ADIPOR2: variants seen among roughly 807,000 people sequenced by gnomAD.
ADIPOR2 encodes the protein adiponectin receptor 2.
In ADIPOR2, 18 loss-of-function variants were observed where a neutral mutation model predicts 40.9. That is an observed-to-expected ratio of 0.44 (90% confidence interval 0.30 to 0.65). ADIPOR2 has a LOEUF of 0.65. Among genes scored for constraint, ADIPOR2 ranks in the 30% least tolerant of loss-of-function variants. ADIPOR2 has a pLI of 0.09. For missense variants in ADIPOR2, 283 were observed against 479.2 expected (o/e 0.59, Z 3.82); for synonymous variants, 165 against 166.4 (o/e 0.99, Z 0.06).
intron 4 of ADIPOR2, 107 bp downstream of exon 4, chr12:1,778,132 ATTTTG>A: frequency 7.7e-7 from 1 of 1,298,946 alleles, no homozygotes; most frequent in African/African-American, 1.5e-5. Flanking sequence ...TGGATTTGCC[ATTTTG>A]TTTTCTGAAT....
chr12:1,784,291 G>A (rs905007657), intron 7 of ADIPOR2, among the ~76,000 whole-genome samples: 10 of 152,200 alleles, frequency 6.6e-5, no homozygotes, highest in African/African-American at 2.4e-4. Flanking sequence ...TGCTTTGCAC[G>A]GATTACCTCA....
At chr12:1,755,977 A>G (rs1041075678) in intron 2 of ADIPOR2, among the ~76,000 whole-genome samples, 76 of 152,192 alleles carry the variant, frequency 5.0e-4, no homozygotes, top group Middle Eastern at 6.8e-3. Context: ...GAAAGCTTCT[A>G]CTGGGAACAG....
chr12:1,698,772 A>G (rs1165527549), intron 1 of ADIPOR2, among the ~76,000 whole-genome samples: 2 of 151,982 alleles, frequency 1.3e-5, no homozygotes, highest in Admixed American at 6.6e-5. Flanking sequence ...TTTCATTTTG[A>G]TGTGTGTTAT....
chr12:1,782,206 C>T (rs2286383), intron 6 of ADIPOR2, among the ~76,000 whole-genome samples: 81,769 of 152,052 alleles, frequency 0.54, 22,749 homozygotes, highest in African/African-American at 0.67. Flanking sequence ...TTGGTTCTTA[C>T]CTGTTGTGAG....
At chr12:1,711,113 G>T (rs1320006893) in intron 1 of ADIPOR2, among the ~76,000 whole-genome samples, 3 of 152,122 alleles carry the variant, frequency 2.0e-5, no homozygotes, top group Non-Finnish European at 4.4e-5. Context: ...CCCCTAAGAA[G>T]GTGCATAGTC....
chr12:1,788,394 T>G lies in ADIPOR2; in HGVS notation c.*2322T>G, dbSNP rs935409703. ...AGGTTGGCGCCTGAATGCCTTACTC[T>G]CAGCAGTCAGAGGCTTGCTTGCTCT... On this transcript the variant is annotated 3_prime_UTR_variant, in exon 8 of 8. Transcript: ENST00000357103. 1.3e-5 allele frequency: 2 copies of G among 152,692 alleles called. No individual in the cohort carries two copies. The highest frequency in any genetic ancestry group is 4.8e-5 in the African/African-American group (2 of 41,460). The allele number at this position is 152,692 out of a possible 1,614,324, so 9.5% of individuals were successfully genotyped here.
At position 1,788,642 on chromosome 12, in the gene ADIPOR2, T is replaced by C. The variant is rs1269224703; in HGVS notation, c.*2570T>C. 6.6e-6 allele frequency: 1 copy of C among 152,658 alleles called. No homozygotes were observed. The highest frequency in any genetic ancestry group is 2.4e-5 in the African/African-American group (1 of 41,456). The allele number at this position is 152,658 out of a possible 1,614,324, so 9.5% of individuals were successfully genotyped here. ...ATGTGGGATTTCCCTACTTGCTGTA[T>C]TCTCAGTTTCTAATAAAAAGAACCA... On this transcript the variant is annotated 3_prime_UTR_variant, in exon 8 of 8. Coordinates refer to ENST00000357103, the MANE Select transcript of ADIPOR2 (RefSeq NM_024551.3).
chr12:1,691,369 G>A (rs1378427791), intron 1 of ADIPOR2, among the ~76,000 whole-genome samples, 178 bp downstream of exon 1: 2 of 152,166 alleles, frequency 1.3e-5, no homozygotes, highest in Admixed American at 6.5e-5. Flanking sequence ...CTGACCTGCC[G>A]CCCGGCGCGC....
At chr12:1,755,395 G>A (rs889114903) in intron 2 of ADIPOR2, among the ~76,000 whole-genome samples, 1 of 152,132 alleles carries the variant, frequency 6.6e-6, no homozygotes, top group Non-Finnish European at 1.5e-5. Flanking sequence ...TCTTAAAAGC[G>A]TACTTAACCT....
intron 1 of ADIPOR2, among the ~76,000 whole-genome samples, chr12:1,748,216 T>A (rs2094760101): frequency 6.6e-6 from 1 of 152,126 alleles, no homozygotes. Flanking sequence ...TCTGAGGTGA[T>A]ATTGTCATTA....
At chr12:1,769,825 C>G (rs1051753589) in intron 2 of ADIPOR2, among the ~76,000 whole-genome samples, 1 of 151,904 alleles carries the variant, frequency 6.6e-6, no homozygotes, top group Non-Finnish European at 1.5e-5. Flanking sequence ...TACAGATGTG[C>G]GACACTGTGC....
intron 1 of ADIPOR2, among the ~76,000 whole-genome samples, chr12:1,739,769 C>G (rs2094738607): frequency 1.3e-5 from 2 of 152,188 alleles, no homozygotes; most frequent in Non-Finnish European, 2.9e-5. Context: ...TGACCTCAAT[C>G]ACACATGCAG....
In ADIPOR2 at chr12:1,780,530, G is replaced by A; in HGVS notation, c.543G>A (p.Lys181=). The A allele has an allele frequency of 6.2e-7, 1 of 1,613,852 alleles. No homozygotes were observed. Among genetic ancestry groups the A allele is most frequent in the Non-Finnish European group, 8.5e-7 (1 of 1,179,888 alleles). Residue 181 remains lysine, a synonymous_variant, in exon 5 of 8, where the codon AAG becomes AAA. Coordinates refer to ENST00000357103, the MANE Select transcript of ADIPOR2 (RefSeq NM_024551.3). ...NISFVAPLQE[K]VVFGLFFLGA... ...CCTTTGTGGCCCCTCTGCAAGAGAA[G>A]GTGGTCTTTGGATTATTTTTCTTAG...
chr12:1,710,725 A>G (rs2094674909), intron 1 of ADIPOR2, among the ~76,000 whole-genome samples: 1 of 152,066 alleles, frequency 6.6e-6, no homozygotes, highest in Non-Finnish European at 1.5e-5. Context: ...CGGGGTCCCA[A>G]CAAAAAGTTG....
chr12:1,731,556 CG>C (rs1177706143), intron 1 of ADIPOR2, among the ~76,000 whole-genome samples: 1 of 152,158 alleles, frequency 6.6e-6, no homozygotes, highest in Non-Finnish European at 1.5e-5. Context: ...CACTTTCTGA[CG>C]CTATCAGTTT....
intron 1 of ADIPOR2, among the ~76,000 whole-genome samples, chr12:1,706,659 CT>C (rs2094663598): frequency 1.3e-5 from 2 of 152,172 alleles, no homozygotes; most frequent in Admixed American, 6.5e-5. Flanking sequence ...AGTTAGATGA[CT>C]TTTGATAATG....
chr12:1,704,366 C>T (rs2094657708), intron 1 of ADIPOR2, among the ~76,000 whole-genome samples: 2 of 152,096 alleles, frequency 1.3e-5, no homozygotes, highest in African/African-American at 4.8e-5. Context: ...ACTCACATGT[C>T]ATTTCTCTTA....
intron 1 of ADIPOR2, among the ~76,000 whole-genome samples, chr12:1,753,515 T>G (rs1228897483): frequency 6.6e-6 from 1 of 152,226 alleles, no homozygotes; most frequent in African/African-American, 2.4e-5. Context: ...CGTGTATGCT[T>G]TGGTCCTGAG....
intron 1 of ADIPOR2, among the ~76,000 whole-genome samples, chr12:1,727,382 G>A (rs2094709911): frequency 6.6e-6 from 1 of 152,224 alleles, no homozygotes; most frequent in South Asian, 2.1e-4. Flanking sequence ...ACTTTTTAAA[G>A]AGAAATGTAG....
Sources: gnomAD v4.1 joint callset for allele counts (sites outside exome capture counted in the v4.1 genomes callset) on GRCh38, gnomAD v4.1.1 for gene constraint, MANE v1.5 for transcripts, NCBI Gene and HGNC (gene_info 2026-07-23, HGNC 2026-07-21) for gene names.